SLC6A15: variants seen among roughly 807,000 people sequenced by gnomAD.
SLC6A15 encodes the protein solute carrier family 6 member 15.
A neutral mutation model predicts 68.5 loss-of-function variants in SLC6A15; 33 were observed. The observed-to-expected ratio is 0.48, with a 90% confidence interval of 0.37 to 0.64. The LOEUF (loss-of-function observed/expected upper bound fraction) is 0.64. Among genes scored for constraint, SLC6A15 ranks in the 30% least tolerant of loss-of-function variants. The pLI, the probability that SLC6A15 is intolerant of heterozygous loss-of-function variation, is 0.00. For synonymous variants in SLC6A15, 347 were observed against 301.0 expected, an observed-to-expected ratio of 1.15 and a Z score of -1.58; for missense variants, 747 against 874.3, an observed-to-expected ratio of 0.85 and a Z score of 1.84.
Position 84,901,587 on chromosome 12 carries a change from A to G in SLC6A15, c.-188-9279T>C, listed in dbSNP as rs112401062. Among the ~76,000 whole-genome samples the G allele has an allele frequency of 9.4e-3, 1,428 of 151,960 alleles. 25 individuals carry two copies. The highest frequency in any genetic ancestry group is 0.032 in the African/African-American group (1,324 of 41,536). Reference sequence around the variant, plus strand: ...CATCCTTCAAAATTTTCTACCTTCCAAGCCATTGTTACAATCTCTTTTGAA... The same window carrying G: ...CATCCTTCAAAATTTTCTACCTTCCGAGCCATTGTTACAATCTCTTTTGAA... On this transcript the variant is annotated intron_variant, in intron 1 of 11. Transcript: ENST00000266682.
chr12:84,879,780 CAATT>C lies in SLC6A15; in HGVS notation c.757-3177_757-3174del, dbSNP rs1565725121. On this transcript the variant is annotated intron_variant, in intron 5 of 11. Transcript: ENST00000266682. ...GAATTTAAGTTTTTCTTCTTGTACA[CAATT>C]CATTCATTGAATTGTGGGTTCCATG... Among the ~76,000 whole-genome samples the C allele has an allele frequency of 4.7e-5, 7 of 147,514 alleles. No individual in the cohort carries two copies. In the East Asian group the frequency reaches 5.8e-4, roughly 12 times the overall value.
At chr12:84,906,978 A>G (rs568362673) in intron 1 of SLC6A15, among the ~76,000 whole-genome samples, 100 of 151,638 alleles carry the variant, frequency 6.6e-4, no homozygotes, top group South Asian at 1.9e-3. Context: ...AGAGGATGGA[A>G]AAAAAAAAGC....
At chr12:84,899,858 T>C (rs947037796) in intron 1 of SLC6A15, among the ~76,000 whole-genome samples, 1 of 152,124 alleles carries the variant, frequency 6.6e-6, no homozygotes, top group African/African-American at 2.4e-5. Flanking sequence ...TAAAAGTAGA[T>C]CCAAAATTTT....
intron 4 of SLC6A15, among the ~76,000 whole-genome samples, chr12:84,884,520 G>A (rs1449085362): frequency 6.6e-6 from 1 of 152,008 alleles, no homozygotes. Flanking sequence ...TGGCCAGACT[G>A]TTCTCAAACT....
chr12:84,880,900 T>C, intron 5 of SLC6A15: 1 of 977,470 alleles, frequency 1.0e-6, no homozygotes. Context: ...TGTATCATTC[T>C]TTTTGAAAAT....
intron 5 of SLC6A15, chr12:84,882,424 A>G (rs1163751205): frequency 1.0e-6 from 1 of 969,304 alleles, no homozygotes; most frequent in Non-Finnish European, 1.2e-6. Context: ...TCACAAATTC[A>G]AAAGACAAAA....
At chr12:84,897,568 A>G (rs1336805184) in intron 1 of SLC6A15, among the ~76,000 whole-genome samples, 2 of 152,184 alleles carry the variant, frequency 1.3e-5, no homozygotes, top group African/African-American at 2.4e-5. Context: ...AAGCAGAAGT[A>G]GAAAGATCAA....
intron 6 of SLC6A15, among the ~76,000 whole-genome samples, chr12:84,875,687 T>G (rs1871494464): frequency 3.0e-4 from 1 of 3,308 alleles, no homozygotes; most frequent in African/African-American, 5.6e-4. Flanking sequence ...TATATATATA[T>G]ATATATATAT....
intron 5 of SLC6A15, among the ~76,000 whole-genome samples, chr12:84,876,883 A>C (rs1407475866): frequency 6.6e-6 from 1 of 152,228 alleles, no homozygotes; most frequent in Admixed American, 6.5e-5. Context: ...GATTCCTTAT[A>C]GTTCATAAAA....
At chr12:84,900,143 G>A (rs914169783) in intron 1 of SLC6A15, among the ~76,000 whole-genome samples, 1 of 151,950 alleles carries the variant, frequency 6.6e-6, no homozygotes, top group African/African-American at 2.4e-5. Context: ...TTTATTTCAT[G>A]TCTTTAATTT....
chr12:84,890,376 G>A (rs1015711483), intron 2 of SLC6A15, among the ~76,000 whole-genome samples: 1 of 152,184 alleles, frequency 6.6e-6, no homozygotes, highest in African/African-American at 2.4e-5. Flanking sequence ...CTCCTTAATA[G>A]TGTGGTCAAT....
At chr12:84,909,703 A>G (rs1873346836) in intron 1 of SLC6A15, among the ~76,000 whole-genome samples, 1 of 152,144 alleles carries the variant, frequency 6.6e-6, no homozygotes, top group Non-Finnish European at 1.5e-5. Flanking sequence ...AGTAATAAAG[A>G]ATTAACATAC....
chr12:84,885,932 C>A lies in SLC6A15; in HGVS notation c.426G>T (p.Gly142=). 6.2e-7 allele frequency: 1 copy of A among 1,609,936 alleles called. No homozygotes were observed. Among genetic ancestry groups the A allele is most frequent in the Non-Finnish European group, 8.5e-7 (1 of 1,177,986 alleles). The change falls in exon 3 of 12, where the codon GGG becomes GGT. Residue 142 remains glycine (G), a synonymous_variant. Transcript: ENST00000266682. The part of the protein sequence containing the change: ...VWNYISPKLG[G]IGFASCVVCY... The stretch of plus-strand genomic sequence containing the variant: ...TTACTACACAACTTGCAAATCCAAT[C>A]CCGCCCAGTTTAGGGCTTATGTAAT...
Position 84,872,597 on chromosome 12 carries a change from C to T in SLC6A15, c.1302+5G>A, listed in dbSNP as rs770245617. The stretch of plus-strand genomic sequence containing the variant: ...TATTTTATTGCTCAAACATGGCTTA[C>T]TAACTTTATTTAGCTCTTCTTCAAT... On this transcript the variant is annotated splice_donor_5th_base_variant and intron_variant, in intron 8 of 11. Coordinates refer to ENST00000266682, the MANE Select transcript of SLC6A15 (RefSeq NM_182767.6). 6.2e-7 allele frequency: 1 copy of T among 1,603,416 alleles called. No individual in the cohort carries two copies. The highest frequency in any genetic ancestry group is 1.1e-5 in the South Asian group (1 of 89,726).
chr12:84,867,273 CAAACTTTTA>C, intron 9 of SLC6A15, 80 bp from the exon 10 acceptor site: 5 of 1,206,216 alleles, frequency 4.1e-6, no homozygotes, highest in African/African-American at 3.1e-5. Context: ...TTATTATATT[CAAACTTTTA>C]AAACTTTTAT....
In SLC6A15 at chr12:84,907,290, G is replaced by C. The variant is rs191055067; in HGVS notation, c.-189+5233C>G. On this transcript the variant is annotated intron_variant, in intron 1 of 11. Transcript: ENST00000266682. Reference sequence around the variant, plus strand: ...GTGAACCAGGGAGGCAGAGCTTGCAGTGAGCTGAGATCGCGCCACTGAACT... The same window carrying C: ...GTGAACCAGGGAGGCAGAGCTTGCACTGAGCTGAGATCGCGCCACTGAACT... Among the ~76,000 whole-genome samples the C allele has an allele frequency of 5.8e-3, 889 of 152,110 alleles. 12 individuals are homozygous for C. The highest frequency in any genetic ancestry group is 0.02 in the African/African-American group (848 of 41,500).
chr12:84,910,706 C>T (rs964970396), intron 1 of SLC6A15, among the ~76,000 whole-genome samples: 13 of 152,224 alleles, frequency 8.5e-5, no homozygotes, highest in African/African-American at 3.1e-4. Flanking sequence ...AACAACAGAA[C>T]GACATCGCGC....
chr12:84,903,319 C>T (rs571955809), intron 1 of SLC6A15, among the ~76,000 whole-genome samples: 4 of 152,154 alleles, frequency 2.6e-5, no homozygotes, highest in Non-Finnish European at 4.4e-5. Flanking sequence ...AGCACACCAA[C>T]ATGGCACATG....
chr12:84,883,213 C>T (rs945672980), intron 5 of SLC6A15: 11 of 983,632 alleles, frequency 1.1e-5, no homozygotes, highest in South Asian at 9.4e-5. Flanking sequence ...TTTCCTAGAG[C>T]GTCCTTTAAA....
Sources: gnomAD v4.1 joint callset for allele counts (sites outside exome capture counted in the v4.1 genomes callset) on GRCh38, gnomAD v4.1.1 for gene constraint, MANE v1.5 for transcripts, NCBI Gene and HGNC (gene_info 2026-07-23, HGNC 2026-07-21) for gene names.